ZNF385B: variants seen among roughly 807,000 people sequenced by gnomAD.
ZNF385B encodes the protein zinc finger protein 385B.
A neutral mutation model predicts 39.2 loss-of-function variants in ZNF385B; 23 were observed. The ratio of observed to expected loss-of-function variants is 0.59; its 90% CI spans 0.42 to 0.83. The LOEUF is 0.83. ZNF385B is among the 40% of genes least tolerant of loss of function. The pLI is 0.00. For synonymous variants in ZNF385B, 205 were observed against 222.6 expected, an observed-to-expected ratio of 0.92 and a Z score of 0.70; for missense variants, 552 against 598.9, an observed-to-expected ratio of 0.92 and a Z score of 0.82.
chr2:179,721,439 AG>A, intron 3 of ZNF385B, among the ~76,000 whole-genome samples: 1 of 152,270 alleles, frequency 6.6e-6, no homozygotes, highest in Middle Eastern at 3.4e-3. Context: ...TTTCATCCAA[AG>A]AATGAAAAAG....
chr2:179,725,433 G>A (rs1266576710), intron 3 of ZNF385B, among the ~76,000 whole-genome samples: 2 of 151,516 alleles, frequency 1.3e-5, no homozygotes, highest in African/African-American at 4.8e-5. Context: ...ATACGTGCAT[G>A]TATATATATT....
intron 6 of ZNF385B, among the ~76,000 whole-genome samples, chr2:179,452,142 T>C (rs145984089): frequency 9.7e-4 from 147 of 152,272 alleles, no homozygotes; most frequent in Non-Finnish European, 1.7e-3. Context: ...ATCCATAATT[T>C]ATGCATCCAA....
intron 3 of ZNF385B, among the ~76,000 whole-genome samples, chr2:179,762,154 C>T (rs1703435706): frequency 6.6e-6 from 1 of 151,898 alleles, no homozygotes; most frequent in Admixed American, 6.6e-5. Flanking sequence ...CATGTGACTT[C>T]TCTTCTTTAG....
intron 1 of ZNF385B, among the ~76,000 whole-genome samples, chr2:179,848,679 T>TA (rs1708925216): frequency 1.3e-5 from 2 of 152,188 alleles, no homozygotes; most frequent in East Asian, 3.8e-4. Context: ...ATGCAAATGT[T>TA]AAAATAAATA....
intron 3 of ZNF385B, among the ~76,000 whole-genome samples, chr2:179,560,235 C>G (rs1408765110): frequency 6.6e-6 from 1 of 152,118 alleles, no homozygotes; most frequent in Admixed American, 6.5e-5. Flanking sequence ...GAAAGTAGAG[C>G]ATTTCTTCAC....
chr2:179,693,307 TTTAG>T (rs1261396200), intron 3 of ZNF385B, among the ~76,000 whole-genome samples: 1 of 152,178 alleles, frequency 6.6e-6, no homozygotes, highest in African/African-American at 2.4e-5. Context: ...GTTATACTCT[TTTAG>T]TTAATCAGGT....
At chr2:179,777,849 T>C (rs1319133880) in intron 1 of ZNF385B, among the ~76,000 whole-genome samples, 1 of 150,396 alleles carries the variant, frequency 6.6e-6, no homozygotes, top group Non-Finnish European at 1.5e-5. Context: ...CTCGGCACAC[T>C]GCAACCTCTG....
At chr2:179,493,796 T>TACGTGTATATACATATATGTATAC (rs2055821742) in intron 5 of ZNF385B, among the ~76,000 whole-genome samples, 1 of 101,124 alleles carries the variant, frequency 9.9e-6, no homozygotes, top group African/African-American at 3.4e-5. Flanking sequence ...TATGTATACA[T>TACGTGTATATACATATATGTATAC]ATATGTATAT....
chr2:179,760,585 T>C (rs1703322396), intron 3 of ZNF385B, among the ~76,000 whole-genome samples: 2 of 152,264 alleles, frequency 1.3e-5, no homozygotes, highest in South Asian at 2.1e-4. Context: ...CCAAAAGATA[T>C]GCATGTCAAA....
chr2:179,675,718 A>G (rs1431858810), intron 3 of ZNF385B, among the ~76,000 whole-genome samples: 1 of 152,134 alleles, frequency 6.6e-6, no homozygotes, highest in Non-Finnish European at 1.5e-5. Context: ...TTTGTGTCCA[A>G]CTAGGATGAA....
intron 3 of ZNF385B, among the ~76,000 whole-genome samples, chr2:179,657,253 C>A (rs1693885787): frequency 6.6e-6 from 1 of 152,158 alleles, no homozygotes; most frequent in Non-Finnish European, 1.5e-5. Context: ...CATAAGCCAC[C>A]TTAGTGGCCA....
intron 6 of ZNF385B, among the ~76,000 whole-genome samples, chr2:179,453,733 T>C (rs2050387568): frequency 6.6e-6 from 1 of 152,160 alleles, no homozygotes; most frequent in African/African-American, 2.4e-5. Flanking sequence ...CAAATCATGT[T>C]GTTAGTGCCC....
intron 4 of ZNF385B, among the ~76,000 whole-genome samples, chr2:179,541,493 A>G (rs1377498780): frequency 6.6e-6 from 1 of 152,144 alleles, no homozygotes; most frequent in African/African-American, 2.4e-5. Context: ...AAAACTTTCA[A>G]CTATGGTCTC....
At chr2:179,541,316 A>G (rs1382822974) in intron 4 of ZNF385B, among the ~76,000 whole-genome samples, 1 of 152,224 alleles carries the variant, frequency 6.6e-6, no homozygotes, top group African/African-American at 2.4e-5. Context: ...TTCATCAGGT[A>G]CAACTTAGCA....
rs371625308 is a variant in ZNF385B, at chr2:179,735,048, A to C, written c.298+34455T>G. Among the ~76,000 whole-genome samples, 1,058 of 152,098 alleles carry C rather than the reference A, an allele frequency of 7.0e-3. 10 individuals carry two copies. Among genetic ancestry groups the C allele is most frequent in the African/African-American group, 0.023 (958 of 41,520 alleles). On this transcript the variant is annotated intron_variant, in intron 3 of 9. Transcript: ENST00000410066. ...TGACAAATGGGATCTAATTAAACTA[A>C]AGAGCTTCTGCACAGCAAAAGAAAC... is the stretch of plus-strand genomic sequence containing the variant.
chr2:179,641,209 C>T (rs991969619), intron 3 of ZNF385B, among the ~76,000 whole-genome samples: 6 of 144,116 alleles, frequency 4.2e-5, no homozygotes, highest in Middle Eastern at 3.5e-3. Flanking sequence ...TGCTATAAAA[C>T]GTTTTATAGT....
intron 1 of ZNF385B, among the ~76,000 whole-genome samples, chr2:179,831,979 T>G (rs1708011754): frequency 6.6e-6 from 1 of 152,224 alleles, no homozygotes; most frequent in Non-Finnish European, 1.5e-5. Flanking sequence ...GAACAAATTA[T>G]GATAGGGTGT....
chr2:179,677,301 C>G (rs1166547713), intron 3 of ZNF385B, among the ~76,000 whole-genome samples: 1 of 152,196 alleles, frequency 6.6e-6, no homozygotes, highest in African/African-American at 2.4e-5. Flanking sequence ...TCTGTCTATA[C>G]CGTTAATAGC....
At chr2:179,644,391 G>A (rs1020072512) in intron 3 of ZNF385B, among the ~76,000 whole-genome samples, 12 of 152,032 alleles carry the variant, frequency 7.9e-5, no homozygotes, top group African/African-American at 2.7e-4. Context: ...TAGCTAGATC[G>A]CAATCAGACT....
Sources: gnomAD v4.1 joint callset for allele counts (sites outside exome capture counted in the v4.1 genomes callset) on GRCh38, gnomAD v4.1.1 for gene constraint, MANE v1.5 for transcripts, NCBI Gene and HGNC (gene_info 2026-07-23, HGNC 2026-07-21) for gene names.